ANKRD13D: variants seen among roughly 807,000 people sequenced by gnomAD.
ANKRD13D encodes ankyrin repeat domain-containing protein 13D.
A neutral mutation model predicts 68.8 loss-of-function variants in ANKRD13D; 24 were observed. The observed-to-expected ratio is 0.35, with a 90% CI of 0.25 to 0.49. The LOEUF is 0.49. ANKRD13D is among the 20% of genes least tolerant of loss of function. The probability of loss-of-function intolerance (pLI) is 0.99; values close to 1 mark genes in which losing one functional copy is unlikely to be tolerated. For synonymous variants in ANKRD13D, 331 were observed against 336.1 expected (o/e 0.98, Z 0.16); for missense variants, 735 against 832.1 (o/e 0.88, Z 1.44).
At chr11:67,296,289 T>G (rs1475433811) in intron 6 of ANKRD13D, among the ~76,000 whole-genome samples, 1 of 152,108 alleles carries the variant, frequency 6.6e-6, no homozygotes, top group Non-Finnish European at 1.5e-5. Context: ...TGGTATTAAT[T>G]TGTCTTCAAA....
rs140665288 is a variant in ANKRD13D, at chr11:67,293,130, C to T, written c.731+950C>T. On this transcript the variant is annotated intron_variant, in intron 6 of 14. Transcript: ENST00000511455. ...ATTCATGTGCAAGTTTTTGTGTAGA[C>T]GTATGTTTTAATTTCTCTTTCATAT... Among the ~76,000 whole-genome samples, 1,269 of 152,158 alleles carry T rather than the reference C, an allele frequency of 8.3e-3. 15 individuals carry two copies. The highest frequency in any genetic ancestry group is 0.027 in the African/African-American group (1,132 of 41,466).
Position 67,290,219 on chromosome 11 carries a change from G to C in ANKRD13D, c.226+6G>C, listed in dbSNP as rs1000210030. ...GAACCGCCAGGGCTGGGCAGGTACTGCAGAGGACAAGGGGCTCCCCCTGAG... is the reference window on the plus strand; with the variant it reads ...GAACCGCCAGGGCTGGGCAGGTACTCCAGAGGACAAGGGGCTCCCCCTGAG... On this transcript the variant is annotated splice_donor_region_variant and intron_variant, in intron 2 of 14. Transcript: ENST00000511455. 6.5e-7 allele frequency: 1 copy of C among 1,540,960 alleles called. No homozygotes were observed. Among genetic ancestry groups the C allele is most frequent in the Non-Finnish European group, 8.7e-7 (1 of 1,146,882 alleles).
Position 67,301,256 on chromosome 11 carries a change from G to C in ANKRD13D, c.1232-26G>C. On this transcript the variant is annotated intron_variant, in intron 11 of 14. Transcript: ENST00000511455. The surrounding 1 kb of genome is among the most constrained non-coding windows in gnomAD (Gnocchi z 4.5). ...GAGGCACAGGTGGCTCTCCGCCAGG[G>C]CTCAGGCGTGGCTGTCTTCTCACAG... 1 of 1,602,558 alleles carries C rather than the reference G, an allele frequency of 6.2e-7. No homozygotes were observed. Among genetic ancestry groups the C allele is most frequent in the Non-Finnish European group, 8.5e-7 (1 of 1,173,566 alleles).
In ANKRD13D at chr11:67,289,561, G is replaced by A; in HGVS notation, c.90+11G>A. On this transcript the variant is annotated intron_variant, in intron 1 of 14. Transcript: ENST00000511455. The stretch of plus-strand genomic sequence containing the variant: ...CTGCACAGCCACCAGGTGAGGCCCC[G>A]CTGGGGCACCCGGCCCTTCCCCCGG... The A allele has an allele frequency of 6.6e-7, 1 of 1,520,258 alleles. No individual in the cohort carries two copies. Among genetic ancestry groups the A allele is most frequent in the Non-Finnish European group, 8.8e-7 (1 of 1,141,958 alleles). 94.2% of individuals were successfully genotyped at this position (1,520,258 alleles called of 1,614,324 possible). A position where few individuals can be genotyped will look rare whatever the true frequency, so the allele number is the denominator to read the frequency against.
At position 67,291,605 on chromosome 11, in the gene ANKRD13D, C is replaced by G; in HGVS notation, c.400C>G (p.Pro134Ala). 1 of 1,613,974 alleles carries G rather than the reference C, an allele frequency of 6.2e-7. No individual in the cohort carries two copies. The highest frequency in any genetic ancestry group is 8.5e-7 in the Non-Finnish European group (1 of 1,180,028). The change falls in exon 5 of 15, where the codon CCC (proline) becomes GCC (alanine). Residue 134 changes from proline to alanine, a missense_variant and splice_region_variant. Coordinates refer to ENST00000511455, the MANE Select transcript of ANKRD13D (RefSeq NM_207354.3). ...EMKWEFTSWV[P>A]LVSKMCPSDV... ...AGTGACCCCTGTGCACCCTGCAGTG[C>G]CCCTTGTGTCTAAGATGTGCCCAAG...
In ANKRD13D at chr11:67,302,425, G is replaced by C. The variant is rs1235876385; in HGVS notation, c.*93G>C. 1.4e-6 allele frequency: 2 copies of C among 1,417,098 alleles called. No homozygotes were observed. Among genetic ancestry groups the C allele is most frequent in the Non-Finnish European group, 1.9e-6 (2 of 1,074,796 alleles). The allele number at this position is 1,417,098 out of a possible 1,614,324, so 87.8% of individuals were successfully genotyped here. A position where few individuals can be genotyped will look rare whatever the true frequency, so the allele number is the denominator to read the frequency against. On this transcript the variant is annotated 3_prime_UTR_variant, in exon 15 of 15. Transcript: ENST00000511455. ...TCTCTGCTGCTGAGCTTGGGGCCTG[G>C]AGCCCCAGGAATGAGCAGGCAGGGG... is the stretch of plus-strand genomic sequence containing the variant.
In ANKRD13D at chr11:67,299,140, G is replaced by T; in HGVS notation, c.798+16G>T. ...CGAGGCCAAGGCAGGAGAGGCTAGG[G>T]GTGGGGGGCTGGGGGTAGGAGATGA... On this transcript the variant is annotated intron_variant, in intron 7 of 14. Coordinates refer to ENST00000511455, the MANE Select transcript of ANKRD13D (RefSeq NM_207354.3). This position sits in a 1 kb window ranked among gnomAD's most constrained non-coding sequence, Gnocchi z 6.2. 1 of 1,609,660 alleles carries T rather than the reference G, an allele frequency of 6.2e-7. No homozygotes were observed. The highest frequency in any genetic ancestry group is 1.1e-5 in the South Asian group (1 of 90,964).
rs1168666328 is a variant in ANKRD13D at position 67,302,249 on chromosome 11, GAGCAGGAGGAGCGGGAGCGGCGCGGGC to G, written c.1747_1773del (p.Arg583_Glu591del). On this transcript the variant is annotated inframe_deletion, in exon 15 of 15. Coordinates refer to ENST00000511455, the MANE Select transcript of ANKRD13D (RefSeq NM_207354.3). ...CCTGGCCCTGGAGTTGTCTTCACGG[GAGCAGGAGGAGCGGGAGCGGCGCGGGC>G]AGCAGGAGGAGGAGGACTTACAGCG... 8 of 1,572,850 alleles carry G rather than the reference GAGCAGGAGGAGCGGGAGCGGCGCGGGC, an allele frequency of 5.1e-6. No individual in the cohort carries two copies. Among genetic ancestry groups the G allele is most frequent in the Non-Finnish European group, 6.9e-6 (8 of 1,158,778 alleles).
chr11:67,297,626 C>T (rs569833837), intron 6 of ANKRD13D, among the ~76,000 whole-genome samples: 6 of 151,620 alleles, frequency 4.0e-5, no homozygotes, highest in Non-Finnish European at 7.4e-5. Flanking sequence ...CCCGGGTTCA[C>T]GCCATTCTCC....
In ANKRD13D at chr11:67,300,926, G is replaced by A; in HGVS notation, c.1074-64G>A. The A allele has an allele frequency of 6.3e-7, 1 of 1,590,434 alleles. No homozygotes were observed. The highest frequency in any genetic ancestry group is 8.6e-7 in the Non-Finnish European group (1 of 1,166,802). On this transcript the variant is annotated intron_variant, in intron 10 of 14. Transcript: ENST00000511455. This position sits in a 1 kb window ranked among gnomAD's most constrained non-coding sequence, Gnocchi z 4.3. ...TAAAGGCAGCTGCCCACGAACCAGA[G>A]GGCAGTCCTCAATGGAAGGGCCACC...
intron 3 of ANKRD13D, chr11:67,290,660 G>A (rs1860497115): frequency 1.5e-6 from 1 of 671,424 alleles, no homozygotes; most frequent in Admixed American, 3.2e-5. Flanking sequence ...TGGAAGAGAA[G>A]CCTTGCCAGC....
At chr11:67,293,708 T>G (rs1860664296) in intron 6 of ANKRD13D, among the ~76,000 whole-genome samples, 1 of 152,156 alleles carries the variant, frequency 6.6e-6, no homozygotes, top group Non-Finnish European at 1.5e-5. Context: ...GTTTAGTTAT[T>G]TGTAGAGATA....
intron 14 of ANKRD13D, 103 bp from the exon 15 acceptor site, chr11:67,302,016 T>C: frequency 7.1e-7 from 1 of 1,409,198 alleles, no homozygotes; most frequent in African/African-American, 1.4e-5. Flanking sequence ...CTTGCCACCC[T>C]GTCTTTGCCT....
chr11:67,295,011 T>A (rs543216982), intron 6 of ANKRD13D, among the ~76,000 whole-genome samples: 2 of 152,296 alleles, frequency 1.3e-5, no homozygotes, highest in South Asian at 4.1e-4. Context: ...CATATAAGAT[T>A]ATGTTATCTG....
chr11:67,299,012 C>T lies in ANKRD13D; in HGVS notation c.732-46C>T, dbSNP rs1253900245. On this transcript the variant is annotated intron_variant, in intron 6 of 14. Transcript: ENST00000511455. This position sits in a 1 kb window ranked among gnomAD's most constrained non-coding sequence, Gnocchi z 6.2. ...CTTTGGAAAGGAAGGCTTTGGCCAG[C>T]GTGTGAGGGTGCAGGTCTCACCAGC... 1.0e-5 allele frequency: 16 copies of T among 1,601,814 alleles called. No homozygotes were observed. The Admixed American group carries it at 1.0e-4, about 10-fold the overall frequency.
Position 67,301,716 on chromosome 11 carries a change from G to C in ANKRD13D, c.1513-16G>C. The C allele has an allele frequency of 6.2e-7, 1 of 1,611,352 alleles. No homozygotes were observed. Among genetic ancestry groups the C allele is most frequent in the Non-Finnish European group, 8.5e-7 (1 of 1,179,642 alleles). On this transcript the variant is annotated splice_polypyrimidine_tract_variant and intron_variant, in intron 13 of 14. Transcript: ENST00000511455. This position sits in a 1 kb window ranked among gnomAD's most constrained non-coding sequence, Gnocchi z 4.5. ...CACACGGCAGAAGTGACAGCTGTGGGCTCTGGTGGCTGCAGGTGACCGTCT... is the reference window on the plus strand; with the variant it reads ...CACACGGCAGAAGTGACAGCTGTGGCCTCTGGTGGCTGCAGGTGACCGTCT...
Position 67,301,601 on chromosome 11 carries a change from C to T in ANKRD13D, c.1462C>T (p.Gln488Ter). ...CCGGGACGAGGACGATGACCTCCTGCAGTTCGCCATCCAGCAGAGCCTGCT... is the reference window on the plus strand; with the variant it reads ...CCGGGACGAGGACGATGACCTCCTGTAGTTCGCCATCCAGCAGAGCCTGCT... ...PLRDEDDDLL[Q>*]FAIQQSLLEA... is the part of the protein sequence containing the mutation. Residue 488 changes from glutamine (Q) to a stop codon, truncating the protein, a stop_gained, in exon 13 of 15, where the codon CAG becomes TAG. Coordinates refer to ENST00000511455, the MANE Select transcript of ANKRD13D (RefSeq NM_207354.3). LOFTEE classifies it high-confidence loss of function. The surrounding 1 kb of genome is among the most constrained non-coding windows in gnomAD (Gnocchi z 4.5). 1 of 1,612,868 alleles carries T rather than the reference C, an allele frequency of 6.2e-7. No individual in the cohort carries two copies.
chr11:67,299,699 A>G lies in ANKRD13D; in HGVS notation c.880+88A>G, dbSNP rs1426068012. 1.5e-5 allele frequency: 23 copies of G among 1,520,430 alleles called. No individual in the cohort carries two copies. The highest frequency in any genetic ancestry group is 2.7e-5 in the African/African-American group (2 of 72,772). The allele number at this position is 1,520,430 out of a possible 1,614,324, so 94.2% of individuals were successfully genotyped here. ...GGATTAGGGGCCAGAGTTTCCCAGG[A>G]TGAGCTGGGAGGCCTCCCCATTCCC... On this transcript the variant is annotated intron_variant, in intron 8 of 14. Transcript: ENST00000511455. The surrounding 1 kb of genome is among the most constrained non-coding windows in gnomAD (Gnocchi z 6.2).
chr11:67,291,445 G>A (rs1427204715), intron 3 of ANKRD13D, 31 bp from the exon 4 acceptor site: 3 of 1,613,430 alleles, frequency 1.9e-6, no homozygotes, highest in Admixed American at 1.7e-5. Flanking sequence ...CAGCAGGCAG[G>A]GCGCTGACAA....
Sources: gnomAD v4.1 joint callset for allele counts (sites outside exome capture counted in the v4.1 genomes callset) on GRCh38, gnomAD v4.1.1 for gene constraint, Gnocchi (gnomAD v3.1) non-coding constraint, MANE v1.5 for transcripts, NCBI Gene and HGNC (gene_info 2026-07-23, HGNC 2026-07-21) for gene names.